The following PARD3B variants were observed in gnomAD, a reference collection of about 807,000 sequenced individuals.
PARD3B encodes the protein partitioning defective 3 homolog B.
A neutral mutation model predicts 130.2 loss-of-function variants in PARD3B; 103 were observed. That is an observed-to-expected ratio of 0.79 (90% CI 0.67 to 0.93). The LOEUF is 0.93. Among genes scored for constraint, PARD3B ranks in the 40% least tolerant of loss-of-function variants. The probability of loss-of-function intolerance (pLI) is 0.00; values close to 1 mark genes in which losing one functional copy is unlikely to be tolerated. For missense variants in PARD3B, 1,609 were observed against 1,499.2 expected (o/e 1.07, Z -1.21); for synonymous variants, 583 against 553.2 (o/e 1.05, Z -0.76).
chr2:205,338,659 G>A (rs147490127), intron 18 of PARD3B, among the ~76,000 whole-genome samples: 2,226 of 152,238 alleles, frequency 0.015, 28 homozygotes, highest in Non-Finnish European at 0.019. Context: ...ATTCTGAAAG[G>A]ATGTATAATA....
At position 205,458,602 on chromosome 2, in the gene PARD3B, A is replaced by G. The variant is rs185434276; in HGVS notation, c.3044+17930A>G. Among the ~76,000 whole-genome samples the G allele has an allele frequency of 2.0e-3, 307 of 152,272 alleles. 2 individuals are homozygous for G. The highest frequency in any genetic ancestry group is 6.6e-3 in the East Asian group (34 of 5,184). ...TACTTCTCTGATGAAATTCTCCATC[A>G]TATTATCTTTTTTCTTGAATAAATT... On this transcript the variant is annotated intron_variant, in intron 20 of 22. Transcript: ENST00000406610. The surrounding 1 kb of genome is among the most constrained non-coding windows in gnomAD (Gnocchi z 4.8).
rs2046971866 is a variant in PARD3B, at chr2:205,421,481, T to G, written c.2742-18889T>G. Among the ~76,000 whole-genome samples, 1 of 152,204 alleles carries G rather than the reference T, an allele frequency of 6.6e-6. No homozygotes were observed. Among genetic ancestry groups the G allele is most frequent in the African/African-American group, 2.4e-5 (1 of 41,462 alleles). On this transcript the variant is annotated intron_variant, in intron 19 of 22. Transcript: ENST00000406610. This position sits in a 1 kb window ranked among gnomAD's most constrained non-coding sequence, Gnocchi z 5.1. ...AAGCTGCCAGAATTTGTTTTTTCTCTTCATATGTTATAGGGTCTGAGGTTT... is the reference window on the plus strand; with the variant it reads ...AAGCTGCCAGAATTTGTTTTTTCTCGTCATATGTTATAGGGTCTGAGGTTT...
In PARD3B at chr2:205,610,184, G is replaced by A. The variant is rs560824448; in HGVS notation, c.3261-5272G>A. Among the ~76,000 whole-genome samples the A allele has an allele frequency of 5.9e-4, 89 of 152,032 alleles. 1 individual carries two copies. Among genetic ancestry groups the A allele is most frequent in the Admixed American group, 5.4e-3 (83 of 15,272 alleles). On this transcript the variant is annotated intron_variant, in intron 22 of 22. Transcript: ENST00000406610. Reference sequence around the variant, plus strand: ...AGCTTATATGAAAATCATCCATCACGTCTGTTCTCAGGGAGAAAAGCTTGG... The same window carrying A: ...AGCTTATATGAAAATCATCCATCACATCTGTTCTCAGGGAGAAAAGCTTGG...
At chr2:204,945,906 T>C (rs888853396) in intron 2 of PARD3B, among the ~76,000 whole-genome samples, 14 of 152,152 alleles carry the variant, frequency 9.2e-5, no homozygotes, top group African/African-American at 3.1e-4. Flanking sequence ...TTTTTGCAAA[T>C]AGTGAATTTG....
intron 3 of PARD3B, among the ~76,000 whole-genome samples, chr2:204,989,042 G>A (rs1233633048): frequency 6.6e-6 from 1 of 152,194 alleles, no homozygotes; most frequent in African/African-American, 2.4e-5. Context: ...GGTCTTTGCT[G>A]TCACCAAGTG....
intron 2 of PARD3B, among the ~76,000 whole-genome samples, chr2:204,903,423 T>A (rs185458831): frequency 6.6e-6 from 1 of 152,354 alleles, no homozygotes; most frequent in Admixed American, 6.5e-5. Context: ...ATTACATGTT[T>A]AATGTGTTTT....
Position 205,142,061 on chromosome 2 carries a change from A to G in PARD3B, c.1434+16324A>G, listed in dbSNP as rs1465555990. On this transcript the variant is annotated intron_variant, in intron 10 of 22. Coordinates refer to ENST00000406610, the MANE Select transcript of PARD3B (RefSeq NM_001302769.2). The surrounding 1 kb of genome is among the most constrained non-coding windows in gnomAD (Gnocchi z 4.3). ...GGTCTCTGTTGCCCTTAAAGTCCTT[A>G]AAGATGTACATAATAATAAATAACC... Among the ~76,000 whole-genome samples the G allele has an allele frequency of 6.6e-6, 1 of 152,170 alleles. No individual in the cohort carries two copies. The highest frequency in any genetic ancestry group is 2.4e-5 in the African/African-American group (1 of 41,432).
At chr2:204,798,217 C>A (rs1218847394) in intron 2 of PARD3B, among the ~76,000 whole-genome samples, 4 of 152,118 alleles carry the variant, frequency 2.6e-5, no homozygotes, top group Non-Finnish European at 1.5e-5. Flanking sequence ...TGCTTGGCAC[C>A]AGGAGAGAAT....
chr2:205,354,501 T>C (rs769006634), intron 18 of PARD3B, among the ~76,000 whole-genome samples: 3 of 151,798 alleles, frequency 2.0e-5, no homozygotes, highest in Admixed American at 6.6e-5. Flanking sequence ...AAAATCTTTT[T>C]AGAGCTGGGG....
chr2:205,050,541 A>C (rs999277282), intron 4 of PARD3B, among the ~76,000 whole-genome samples: 1 of 152,118 alleles, frequency 6.6e-6, no homozygotes, highest in Non-Finnish European at 1.5e-5. Context: ...ATCCAAATGT[A>C]AATGTACTTA....
intron 2 of PARD3B, among the ~76,000 whole-genome samples, chr2:204,779,336 T>A (rs534116088): frequency 2.3e-4 from 35 of 152,278 alleles, no homozygotes; most frequent in African/African-American, 8.2e-4. Flanking sequence ...TAGCAGCTGG[T>A]TGATAAATTT....
At chr2:204,604,455 G>T (rs1432423761) in intron 1 of PARD3B, among the ~76,000 whole-genome samples, 1 of 152,154 alleles carries the variant, frequency 6.6e-6, no homozygotes, top group Non-Finnish European at 1.5e-5. Flanking sequence ...TTAACATCCA[G>T]TCTTTCCAAT....
intron 3 of PARD3B, among the ~76,000 whole-genome samples, chr2:204,986,606 G>A (rs537515718): frequency 6.6e-6 from 1 of 152,284 alleles, no homozygotes; most frequent in Admixed American, 6.5e-5. Context: ...ATGCCTGTTA[G>A]CATTCCAAGA....
intron 4 of PARD3B, among the ~76,000 whole-genome samples, chr2:205,074,401 C>A (rs1700916038): frequency 6.6e-6 from 1 of 152,170 alleles, no homozygotes; most frequent in South Asian, 2.1e-4. Context: ...TCATCTAATT[C>A]TACCTTGATG....
chr2:205,601,984 C>G (rs1156792198), intron 22 of PARD3B, among the ~76,000 whole-genome samples: 1 of 152,090 alleles, frequency 6.6e-6, no homozygotes, highest in Non-Finnish European at 1.5e-5. Flanking sequence ...CCAGCTTTTC[C>G]CCATTCAGTA....
intron 2 of PARD3B, among the ~76,000 whole-genome samples, chr2:204,839,461 T>G (rs769110927): frequency 1.5e-4 from 23 of 152,208 alleles, no homozygotes; most frequent in Non-Finnish European, 2.6e-4. Flanking sequence ...TCCATTTTGA[T>G]TTTAGAAATG....
intron 1 of PARD3B, among the ~76,000 whole-genome samples, chr2:204,547,732 G>A (rs1041217110): frequency 6.6e-6 from 1 of 152,100 alleles, no homozygotes; most frequent in Admixed American, 6.6e-5. Context: ...CTCAAATCTT[G>A]TATATTTAGA....
Position 205,617,207 on chromosome 2 carries a change from C to T in PARD3B, c.*1394C>T, listed in dbSNP as rs2055464759. The T allele has an allele frequency of 6.5e-6, 1 of 153,742 alleles. No individual in the cohort carries two copies. The highest frequency in any genetic ancestry group is 2.0e-4 in the South Asian group (1 of 4,888). 9.5% of individuals were successfully genotyped at this position (153,742 alleles called of 1,614,324 possible). On this transcript the variant is annotated 3_prime_UTR_variant, in exon 23 of 23. Transcript: ENST00000406610. The stretch of plus-strand genomic sequence containing the variant: ...CAGTAATTTTCTATGGAAACTAAAA[C>T]CTCTAAAACATACAAGCTGGCCCAA...
At chr2:205,192,126 C>T (rs1473132842) in intron 14 of PARD3B, among the ~76,000 whole-genome samples, 2 of 152,088 alleles carry the variant, frequency 1.3e-5, no homozygotes, top group African/African-American at 4.8e-5. Flanking sequence ...TGCTTGAAAG[C>T]AGTATTGAAT....
Sources: gnomAD v4.1 joint callset for allele counts (sites outside exome capture counted in the v4.1 genomes callset) on GRCh38, gnomAD v4.1.1 for gene constraint, Gnocchi (gnomAD v3.1) non-coding constraint, MANE v1.5 for transcripts, NCBI Gene and HGNC (gene_info 2026-07-23, HGNC 2026-07-21) for gene names.